Variants in ITPR2 observed in about 807,000 individuals in gnomAD.
ITPR2 encodes the protein inositol 1,4,5-trisphosphate receptor type 2, also known as inositol 1,4,5-trisphosphate-gated calcium channel ITPR2.
Under a neutral mutation model 317.1 loss-of-function variants are expected in ITPR2, and 207 were observed. The observed-to-expected ratio is 0.65, with a 90% CI of 0.58 to 0.73. The LOEUF is 0.73. Among genes scored for constraint, ITPR2 ranks in the 30% least tolerant of loss-of-function variants. The pLI, the probability that ITPR2 is intolerant of heterozygous loss-of-function variation, is 0.00. For synonymous variants in ITPR2, 1,156 were observed against 1,149.1 expected, an observed-to-expected ratio of 1.01 and a Z score of -0.12; for missense variants, 2,613 against 3,284.0, an observed-to-expected ratio of 0.80 and a Z score of 4.99.
At chr12:26,582,409 A>G (rs1005293317) in intron 32 of ITPR2, among the ~76,000 whole-genome samples, 8 of 152,230 alleles carry the variant, frequency 5.3e-5, no homozygotes. Context: ...CCATTTGCAC[A>G]TATTATTCAC....
chr12:26,754,594 G>A (rs1433111570), intron 2 of ITPR2, among the ~76,000 whole-genome samples: 1 of 152,224 alleles, frequency 6.6e-6, no homozygotes, highest in Non-Finnish European at 1.5e-5. Context: ...CCATGGGAAT[G>A]TGGATTTTTT....
chr12:26,683,047 T>G (rs1948065420), intron 11 of ITPR2, among the ~76,000 whole-genome samples: 1 of 152,200 alleles, frequency 6.6e-6, no homozygotes, highest in Non-Finnish European at 1.5e-5. Context: ...CTAAGAACAT[T>G]GATCAAATAG....
chr12:26,348,874 C>T (rs893982214), intron 55 of ITPR2, among the ~76,000 whole-genome samples: 1 of 152,022 alleles, frequency 6.6e-6, no homozygotes, highest in African/African-American at 2.4e-5. Context: ...TATAGTCCAT[C>T]TTGGTCAACA....
chr12:26,537,573 C>T (rs1944133679), intron 37 of ITPR2, among the ~76,000 whole-genome samples: 1 of 152,202 alleles, frequency 6.6e-6, no homozygotes, highest in African/African-American at 2.4e-5. Flanking sequence ...GTATCTTCAA[C>T]ATCATTCCAG....
At chr12:26,725,810 G>T in intron 2 of ITPR2, 45 bp from the exon 3 acceptor site, 3 of 1,252,466 alleles carry the variant, frequency 2.4e-6, no homozygotes, top group East Asian at 2.3e-5. Context: ...AAGGCTACTA[G>T]CATTTCTTAG....
chr12:26,750,514 G>A (rs1565736825), intron 2 of ITPR2, among the ~76,000 whole-genome samples: 1 of 152,160 alleles, frequency 6.6e-6, no homozygotes, highest in Non-Finnish European at 1.5e-5. Context: ...TATACTTGAT[G>A]GTGACTTGTT....
chr12:26,580,980 A>T (rs1040967847), intron 32 of ITPR2, among the ~76,000 whole-genome samples: 10 of 152,204 alleles, frequency 6.6e-5, no homozygotes, highest in Non-Finnish European at 5.9e-5. Flanking sequence ...AAAGAAAAAG[A>T]AGTGGGAGTG....
chr12:26,438,137 T>C (rs1941403223), intron 47 of ITPR2, among the ~76,000 whole-genome samples: 1 of 152,198 alleles, frequency 6.6e-6, no homozygotes, highest in Admixed American at 6.5e-5. Context: ...CAAATAAAAT[T>C]GTGTCTTCAT....
chr12:26,396,747 G>C (rs1336454970), intron 54 of ITPR2, among the ~76,000 whole-genome samples: 2 of 152,122 alleles, frequency 1.3e-5, no homozygotes, highest in African/African-American at 4.8e-5. Context: ...ATCCCACTGG[G>C]GTGGGTCAGT....
intron 34 of ITPR2, among the ~76,000 whole-genome samples, chr12:26,569,330 G>A (rs889018678): frequency 6.6e-6 from 1 of 152,092 alleles, no homozygotes; most frequent in East Asian, 1.9e-4. Flanking sequence ...AAGGCGGGTG[G>A]ATTGATTGAG....
chr12:26,398,240 T>C (rs1419831635), intron 54 of ITPR2, among the ~76,000 whole-genome samples: 1 of 152,100 alleles, frequency 6.6e-6, no homozygotes, highest in Non-Finnish European at 1.5e-5. Flanking sequence ...CTGGCCAACA[T>C]GGCAAAACCC....
At chr12:26,340,422 C>A in intron 55 of ITPR2, 94 bp from the exon 56 acceptor site, 2 of 1,253,440 alleles carry the variant, frequency 1.6e-6, no homozygotes, top group South Asian at 3.9e-5. Context: ...AAACCAAAGT[C>A]TCTTAGCACT....
intron 2 of ITPR2, among the ~76,000 whole-genome samples, chr12:26,768,690 C>T (rs1341689814): frequency 2.0e-5 from 3 of 150,888 alleles, no homozygotes; most frequent in African/African-American, 7.3e-5. Context: ...TAAGGACCCA[C>T]ATCTGGGTCC....
At chr12:26,527,977 G>C (rs567490037) in intron 37 of ITPR2, among the ~76,000 whole-genome samples, 4 of 152,288 alleles carry the variant, frequency 2.6e-5, no homozygotes, top group South Asian at 4.1e-4. Context: ...GTGACTGGTG[G>C]TTTGGAAAGA....
chr12:26,478,108 G>A (rs1309538999), intron 43 of ITPR2, among the ~76,000 whole-genome samples: 1 of 152,032 alleles, frequency 6.6e-6, no homozygotes, highest in African/African-American at 2.4e-5. Flanking sequence ...TTAAGGTTGT[G>A]CAAATTAATT....
At chr12:26,427,203 T>C (rs761493958) in intron 49 of ITPR2, among the ~76,000 whole-genome samples, 5 of 152,152 alleles carry the variant, frequency 3.3e-5, no homozygotes, top group Non-Finnish European at 7.4e-5. Flanking sequence ...GCAATACTTA[T>C]TTTCTTACCT....
intron 37 of ITPR2, among the ~76,000 whole-genome samples, chr12:26,523,453 T>C (rs59887584): frequency 0.015 from 2,265 of 152,198 alleles, 57 homozygotes; most frequent in African/African-American, 0.052. Flanking sequence ...TTCTCACTCA[T>C]AGATAATTGC....
chr12:26,410,482 G>T (rs1940510660), intron 52 of ITPR2, among the ~76,000 whole-genome samples: 1 of 152,140 alleles, frequency 6.6e-6, no homozygotes, highest in Non-Finnish European at 1.5e-5. Context: ...ATTATGACCA[G>T]ACAAACAGTG....
At position 26,772,088 on chromosome 12, in the gene ITPR2, G is replaced by C. The variant is rs1949854626; in HGVS notation, c.163+18069C>G. The stretch of plus-strand genomic sequence containing the variant: ...CCGAACGGATTGGGGTAAAGGCTTG[G>C]CACTTTCATCTCAGTATTATACTCG... On this transcript the variant is annotated intron_variant, in intron 2 of 56. Coordinates refer to ENST00000381340, the MANE Select transcript of ITPR2 (RefSeq NM_002223.4). Among the ~76,000 whole-genome samples the C allele has an allele frequency of 2.0e-5, 3 of 151,880 alleles. 1 individual carries two copies. The highest frequency in any genetic ancestry group is 4.4e-5 in the Non-Finnish European group (3 of 67,988).
Sources: gnomAD v4.1 joint callset for allele counts (sites outside exome capture counted in the v4.1 genomes callset) on GRCh38, gnomAD v4.1.1 for gene constraint, MANE v1.5 for transcripts, NCBI Gene and HGNC (gene_info 2026-07-23, HGNC 2026-07-21) for gene names.